Variants in ABCG2 observed in about 807,000 individuals in gnomAD.
The protein encoded by ABCG2 is ATP binding cassette subfamily G member 2 (JR blood group), also known as broad substrate specificity ATP-binding cassette transporter ABCG2.
A neutral mutation model predicts 73.5 loss-of-function variants in ABCG2; 80 were observed. That is an observed-to-expected ratio of 1.09 (90% confidence interval 0.91 to 1.31). The LOEUF (loss-of-function observed/expected upper bound fraction) is 1.31, where lower values mean the gene tolerates loss of function less well. Ranked by LOEUF, ABCG2 falls within the 50% of genes most tolerant of loss-of-function variation. ABCG2 has a pLI of 0.00. For synonymous variants in ABCG2, 269 were observed against 282.4 expected, an observed-to-expected ratio of 0.95 and a Z score of 0.48; for missense variants, 796 against 786.2, an observed-to-expected ratio of 1.01 and a Z score of -0.15.
rs779737784 is a variant in ABCG2, at chr4:88,140,059, A to T, written c.-19-45T>A. ...AGTAAGTTGATAGTCCAGATAAATG[A>T]GATTGCAAACACTAGGTGACAATAC... On this transcript the variant is annotated intron_variant, in intron 1 of 15. Transcript: ENST00000237612. 5 of 1,508,412 alleles carry T rather than the reference A, an allele frequency of 3.3e-6. No homozygotes were observed. The East Asian group carries it at 1.1e-4, about 35-fold the overall frequency. 93.4% of individuals were successfully genotyped at this position (1,508,412 alleles called of 1,614,324 possible).
At chr4:88,200,670 G>A (rs879343222) in intron 1 of ABCG2, among the ~76,000 whole-genome samples, 3 of 151,942 alleles carry the variant, frequency 2.0e-5, no homozygotes, top group African/African-American at 7.3e-5. Context: ...CTGTCACCAC[G>A]CCTGGCTAAT....
intron 8 of ABCG2, among the ~76,000 whole-genome samples, chr4:88,114,689 G>C (rs1723404834): frequency 6.6e-6 from 1 of 151,270 alleles, no homozygotes; most frequent in African/African-American, 2.4e-5. Context: ...ATATTGCCAA[G>C]TTTCTTATTT....
chr4:88,199,695 T>G (rs945851853), intron 1 of ABCG2, among the ~76,000 whole-genome samples: 1 of 152,234 alleles, frequency 6.6e-6, no homozygotes, highest in Non-Finnish European at 1.5e-5. Flanking sequence ...AAATGTTTTT[T>G]AAAAGTTATT....
At chr4:88,174,615 C>T (rs1479794586) in intron 1 of ABCG2, among the ~76,000 whole-genome samples, 1 of 152,196 alleles carries the variant, frequency 6.6e-6, no homozygotes, top group Non-Finnish European at 1.5e-5. Flanking sequence ...TGGTCTGGAA[C>T]TCCTGACCTC....
chr4:88,176,647 ATTTTTTTTTTTTTTTTT>A (rs35728226), intron 1 of ABCG2, among the ~76,000 whole-genome samples: 2 of 90,162 alleles, frequency 2.2e-5, no homozygotes, highest in Admixed American at 2.8e-4. Flanking sequence ...CACCTGGCTA[ATTTTTTTTTTTTTTTTT>A]TTTTTTTTTT....
chr4:88,159,773 A>G (rs1225971898), upstream of ABCG2, among the ~76,000 whole-genome samples: 2 of 152,176 alleles, frequency 1.3e-5, no homozygotes, highest in African/African-American at 4.8e-5. Context: ...ACTATACATA[A>G]TTTTTTAAAA....
intron 9 of ABCG2, among the ~76,000 whole-genome samples, chr4:88,112,879 G>T (rs1723234663): frequency 6.6e-6 from 1 of 152,152 alleles, no homozygotes; most frequent in African/African-American, 2.4e-5. Flanking sequence ...GGAGACTGAG[G>T]CAGGAGAATC....
At chr4:88,177,822 C>T (rs988550640) in intron 1 of ABCG2, among the ~76,000 whole-genome samples, 3 of 152,108 alleles carry the variant, frequency 2.0e-5, no homozygotes, top group Admixed American at 2.0e-4. Context: ...GCTGCCCTGT[C>T]TCAGTGGAAA....
intron 2 of ABCG2, among the ~76,000 whole-genome samples, chr4:88,137,033 A>AATAAAATAAAATAAC (rs1725300964): frequency 6.7e-6 from 1 of 150,348 alleles, no homozygotes; most frequent in Non-Finnish European, 1.5e-5. Flanking sequence ...AATAAAATAA[A>AATAAAATAAAATAAC]ATAAAATAAA....
intron 1 of ABCG2, among the ~76,000 whole-genome samples, chr4:88,151,555 G>A (rs1428251139): frequency 2.0e-5 from 3 of 151,994 alleles, no homozygotes; most frequent in South Asian, 2.1e-4. Context: ...TGGCTAACAC[G>A]GTGAAACCCC....
chr4:88,115,816 G>T (rs770374814), intron 7 of ABCG2, among the ~76,000 whole-genome samples: 16 of 152,026 alleles, frequency 1.1e-4, no homozygotes, highest in Admixed American at 3.9e-4. Context: ...AAAAGCCCAG[G>T]TGTGTTCTGC....
At chr4:88,176,261 C>T (rs1727970631) in intron 1 of ABCG2, among the ~76,000 whole-genome samples, 1 of 151,666 alleles carries the variant, frequency 6.6e-6, no homozygotes, top group African/African-American at 2.4e-5. Flanking sequence ...TCACAAAATG[C>T]TGGGATTACA....
intron 6 of ABCG2, 147 bp from the exon 7 acceptor site, chr4:88,118,407 T>G: frequency 3.8e-6 from 3 of 792,420 alleles, no homozygotes; most frequent in Non-Finnish European, 5.8e-6. Flanking sequence ...TATTTAGCTA[T>G]AGTTAGCAAA....
intron 2 of ABCG2, among the ~76,000 whole-genome samples, chr4:88,135,551 A>G (rs1211085756): frequency 6.7e-6 from 1 of 149,548 alleles, no homozygotes; most frequent in African/African-American, 2.5e-5. Context: ...CACTTTCTCA[A>G]TCACCACGCC....
At chr4:88,108,368 AC>A (rs1191101187) in intron 9 of ABCG2, among the ~76,000 whole-genome samples, 4 of 131,426 alleles carry the variant, frequency 3.0e-5, no homozygotes, top group Non-Finnish European at 5.3e-5. Flanking sequence ...CTAAAAAAAA[AC>A]ACACACAAAA....
chr4:88,174,905 A>G (rs762012547), intron 1 of ABCG2, among the ~76,000 whole-genome samples: 11 of 152,142 alleles, frequency 7.2e-5, no homozygotes, highest in South Asian at 2.1e-4. Context: ...TAATTTTTGT[A>G]TAAGGTGTAA....
chr4:88,157,696 C>G (rs1727041150), intron 1 of ABCG2, among the ~76,000 whole-genome samples: 1 of 152,168 alleles, frequency 6.6e-6, no homozygotes, highest in Non-Finnish European at 1.5e-5. Context: ...TCTATACAAT[C>G]CAGTCAAAGC....
intron 11 of ABCG2, among the ~76,000 whole-genome samples, chr4:88,100,911 A>G (rs1475389622): frequency 6.6e-6 from 1 of 152,112 alleles, no homozygotes. Flanking sequence ...TGCTCTCTCC[A>G]ACATTTGGAT....
At chr4:88,201,257 T>TA (rs1729155050) in intron 1 of ABCG2, among the ~76,000 whole-genome samples, 1 of 122,704 alleles carries the variant, frequency 8.1e-6, no homozygotes, top group Admixed American at 7.8e-5. Flanking sequence ...ATATCAGAAA[T>TA]AAAAAAAGTA....
Sources: allele counts gnomAD v4.1 joint callset (sites outside exome capture counted in the v4.1 genomes callset), GRCh38; gene constraint gnomAD v4.1.1; transcripts MANE v1.5; gene names NCBI Gene and HGNC (gene_info 2026-07-23, HGNC 2026-07-21).